Variants in MYLIP observed in about 807,000 individuals in gnomAD.
MYLIP encodes the protein myosin regulatory light chain interacting protein.
Under a neutral mutation model 45.8 loss-of-function variants are expected in MYLIP, and 26 were observed. The observed-to-expected ratio is 0.57, with a 90% CI of 0.42 to 0.79. MYLIP has a LOEUF of 0.79. Ranked by LOEUF, MYLIP falls within the 30% of genes least tolerant of loss-of-function variation. The pLI, the probability that MYLIP is intolerant of heterozygous loss-of-function variation, is 0.00. For missense variants in MYLIP, 494 were observed against 555.6 expected (o/e 0.89, Z 1.11); for synonymous variants, 213 against 218.1 (o/e 0.98, Z 0.21).
At chr6:16,144,734 C>A (rs527284107) in intron 5 of MYLIP, among the ~76,000 whole-genome samples, 163 bp from the exon 6 acceptor site, 1 of 152,168 alleles carries the variant, frequency 6.6e-6, no homozygotes, top group Admixed American at 6.5e-5. Flanking sequence ...GAGGTGTAAT[C>A]ACTGAGAATA....
At chr6:16,163,633 G>A in the MYLIP span, 1 of 152,140 alleles carries the variant, frequency 6.6e-6, no homozygotes, top group African/African-American at 2.4e-5. Context: ...TCTCACTGGG[G>A]CCTTCCCATG....
chr6:16,152,966 A>G (rs1759895232), downstream of MYLIP, among the ~76,000 whole-genome samples: 1 of 152,076 alleles, frequency 6.6e-6, no homozygotes, highest in Non-Finnish European at 1.5e-5. Flanking sequence ...TTAGGTTGGA[A>G]TCTTATCCAG....
chr6:16,145,048 A>T lies in MYLIP; in HGVS notation c.979A>T (p.Arg327Trp). 1 of 1,614,248 alleles carries T rather than the reference A, an allele frequency of 6.2e-7. No homozygotes were observed. The change falls in exon 6 of 7, where the codon AGG (arginine) becomes TGG (tryptophan). Residue 327 changes from arginine (R) to tryptophan (W), a missense_variant. Transcript: ENST00000356840. ...ATCAAAGGAGGTGTATGACCATGCC[A>T]GGAGGGCTCTGTACAATGCTGGCGT... ...RTSKEVYDHA[R>W]RALYNAGVVD...
chr6:16,147,739 GT>G lies in MYLIP; in HGVS notation c.*993del. Reference sequence around the variant, plus strand: ...GTATTTAGATATGGTGTCCTTTTCTGTTTTTGGGGGGGGAGTTTTGTTGTGT... The same window carrying G: ...GTATTTAGATATGGTGTCCTTTTCTGTTTTGGGGGGGGAGTTTTGTTGTGT... On this transcript the variant is annotated 3_prime_UTR_variant, in exon 7 of 7. Coordinates refer to ENST00000356840, the MANE Select transcript of MYLIP (RefSeq NM_013262.4). The G allele has an allele frequency of 6.6e-6, 1 of 152,406 alleles. No homozygotes were observed. The highest frequency in any genetic ancestry group is 1.5e-5 in the Non-Finnish European group (1 of 67,944). The allele number at this position is 152,406 out of a possible 1,614,324, so 9.4% of individuals were successfully genotyped here.
the MYLIP span, among the ~76,000 whole-genome samples, chr6:16,162,459 T>C: frequency 5.9e-5 from 9 of 152,174 alleles, no homozygotes; most frequent in Admixed American, 4.6e-4. Context: ...GCTCTAATTA[T>C]ATAAATACAG....
chr6:16,133,687 A>G (rs1221917859), intron 2 of MYLIP, among the ~76,000 whole-genome samples: 2 of 152,250 alleles, frequency 1.3e-5, no homozygotes, highest in African/African-American at 4.8e-5. Context: ...ACCAGAGATT[A>G]GAGAAGTATA....
At chr6:16,137,294 A>G (rs974235544) in intron 2 of MYLIP, among the ~76,000 whole-genome samples, 15 of 152,212 alleles carry the variant, frequency 9.9e-5, no homozygotes, top group African/African-American at 2.9e-4. Flanking sequence ...TTTAAAATAA[A>G]CTGTGGTTAA....
rs1287942387 is a variant in MYLIP at position 16,135,777 on chromosome 6, ATG to A, written c.278+5032_278+5033del. On this transcript the variant is annotated intron_variant, in intron 2 of 6. Coordinates refer to ENST00000356840, the MANE Select transcript of MYLIP (RefSeq NM_013262.4). Reference sequence around the variant, plus strand: ...TATCTATATATATATATATATATATATGTATGCTATATATTCTATATAGTGTA... The same window carrying A: ...TATCTATATATATATATATATATATATATGCTATATATTCTATATAGTGTA... 3.5e-3 allele frequency among the ~76,000 whole-genome samples: 494 copies of A among 142,086 alleles called. 7 individuals carry two copies. The highest frequency in any genetic ancestry group is 0.012 in the African/African-American group (469 of 39,272). The allele number at this position is 142,086 out of a possible 152,430, so 93.2% of individuals were successfully genotyped here.
At chr6:16,138,434 C>A (rs2142674) in intron 2 of MYLIP, among the ~76,000 whole-genome samples, 31,610 of 151,988 alleles carry the variant, frequency 0.21, 3,417 homozygotes, top group Admixed American at 0.29. Flanking sequence ...AAATATTGAG[C>A]CATCACTGAA....
intron 2 of MYLIP, among the ~76,000 whole-genome samples, chr6:16,136,909 A>C (rs1211309729): frequency 6.6e-6 from 1 of 152,208 alleles, no homozygotes; most frequent in Non-Finnish European, 1.5e-5. Context: ...GAGTTGTACA[A>C]ATTCTTCATG....
intron 2 of MYLIP, among the ~76,000 whole-genome samples, chr6:16,135,674 A>G (rs1434086033): frequency 1.3e-5 from 2 of 151,004 alleles, no homozygotes; most frequent in Non-Finnish European, 3.0e-5. Flanking sequence ...AAAATTTTCA[A>G]ACAGACAGGA....
the MYLIP span, among the ~76,000 whole-genome samples, chr6:16,159,009 T>C: frequency 2.0e-5 from 3 of 152,218 alleles, no homozygotes; most frequent in Non-Finnish European, 4.4e-5. Flanking sequence ...ACTGAATACA[T>C]TAATAGGCTG....
At chr6:16,149,529 C>T (rs1759853325), downstream of MYLIP, among the ~76,000 whole-genome samples, 1 of 152,222 alleles carries the variant, frequency 6.6e-6, no homozygotes, top group Non-Finnish European at 1.5e-5. Context: ...GGCTGGCCCA[C>T]CCGCTGCATG....
At chr6:16,145,409 C>A in intron 6 of MYLIP, 92 bp downstream of exon 6, 1 of 1,407,700 alleles carries the variant, frequency 7.1e-7, no homozygotes, top group Non-Finnish European at 9.6e-7. Context: ...CGCTAATGCA[C>A]AGACGGGGAA....
At chr6:16,146,591 G>C in intron 6 of MYLIP, 71 bp from the exon 7 acceptor site, 1 of 1,158,704 alleles carries the variant, frequency 8.6e-7, no homozygotes, top group Non-Finnish European at 1.3e-6. Context: ...GAGACCAGGG[G>C]TGTGCACAGA....
At position 16,143,579 on chromosome 6, in the gene MYLIP, C is replaced by G. The variant is rs1019671907; in HGVS notation, c.663-120C>G. On this transcript the variant is annotated intron_variant, in intron 4 of 6. Transcript: ENST00000356840. ...GCAGCATTATGGTGATGTGATAACC[C>G]CAGAGGAAGCGTCTGATTTTTCTGC... 1.4e-5 allele frequency: 14 copies of G among 1,023,158 alleles called. No individual in the cohort carries two copies. In the African/African-American group the frequency reaches 1.8e-4, roughly 13 times the overall value. The allele number at this position is 1,023,158 out of a possible 1,614,324, so 63.4% of individuals were successfully genotyped here.
the MYLIP span, among the ~76,000 whole-genome samples, chr6:16,155,847 C>T: frequency 6.6e-6 from 1 of 152,138 alleles, no homozygotes; most frequent in East Asian, 1.9e-4. Flanking sequence ...GGGCCCTCTG[C>T]CTTTTTGCGT....
intron 2 of MYLIP, among the ~76,000 whole-genome samples, chr6:16,132,731 CTA>C (rs1189127361): frequency 1.3e-5 from 2 of 152,098 alleles, no homozygotes; most frequent in African/African-American, 4.8e-5. Flanking sequence ...ATGCATGAAA[CTA>C]TAGAACAAAA....
chr6:16,143,884 G>C, intron 5 of MYLIP, 21 bp downstream of exon 5: 1 of 1,608,300 alleles, frequency 6.2e-7, no homozygotes, highest in Non-Finnish European at 8.5e-7. Context: ...CGTGTGCTTG[G>C]TCACCTCAGC....
Sources: allele counts gnomAD v4.1 joint callset (sites outside exome capture counted in the v4.1 genomes callset), GRCh38; gene constraint gnomAD v4.1.1; transcripts MANE v1.5; gene names NCBI Gene and HGNC (gene_info 2026-07-23, HGNC 2026-07-21).